COL4A2: variants seen among roughly 807,000 people sequenced by gnomAD.
The protein encoded by COL4A2 is collagen alpha-2(IV) chain.
COL4A2 carries 99 observed loss-of-function variants against 200.2 expected under a neutral mutation model. That is an observed-to-expected ratio of 0.49 (90% CI 0.42 to 0.58). The LOEUF (loss-of-function observed/expected upper bound fraction) is 0.58. Among genes scored for constraint, COL4A2 ranks in the 20% least tolerant of loss-of-function variants. COL4A2 has a pLI of 0.00. For missense variants in COL4A2, 1,950 were observed against 2,314.1 expected, an observed-to-expected ratio of 0.84 and a Z score of 3.23; for synonymous variants, 897 against 900.6, an observed-to-expected ratio of 1.00 and a Z score of 0.07.
rs1373028411 is a variant in COL4A2 at position 110,467,044 on chromosome 13, C to T, written c.2043C>T (p.Cys681=). The change falls in exon 27 of 48, where the codon TGC becomes TGT. Residue 681 remains cysteine (C), a synonymous_variant. Coordinates refer to ENST00000360467, the MANE Select transcript of COL4A2 (RefSeq NM_001846.4). The part of the protein sequence containing the change: ...GDRQEAIQPG[C]IGGPKGLPGL... ...TTTTCTCCTTTCTGTCCCCAGGTTG[C>T]ATAGGAGGGCCCAAGGGATTGCCAG... 3 of 1,613,888 alleles carry T rather than the reference C, an allele frequency of 1.9e-6. No individual in the cohort carries two copies. The highest frequency in any genetic ancestry group is 2.5e-6 in the Non-Finnish European group (3 of 1,179,992).
chr13:110,506,641 C>T (rs1883895159), intron 46 of COL4A2, 35 bp downstream of exon 46: 2 of 1,554,542 alleles, frequency 1.3e-6, no homozygotes, highest in Non-Finnish European at 1.7e-6. Flanking sequence ...GTTGCCTGCT[C>T]AGGGCTGGCC....
chr13:110,480,991 C>CGTTGCTGG (rs1882885104), intron 31 of COL4A2, among the ~76,000 whole-genome samples: 1 of 128,558 alleles, frequency 7.8e-6, no homozygotes, highest in African/African-American at 3.1e-5. Flanking sequence ...TCTGTCCTTC[C>CGTTGCTGG]ATTGCTGGAG....
Position 110,340,486 on chromosome 13 carries a change from A to G in COL4A2, c.100-16986A>G, listed in dbSNP as rs115808427. On this transcript the variant is annotated intron_variant, in intron 3 of 47. Coordinates refer to ENST00000360467, the MANE Select transcript of COL4A2 (RefSeq NM_001846.4). ...TCTAAAGATGTAAAAGAACAAAAAG[A>G]GATAAAGGAAGAGGATGAGAAGACT... is the stretch of plus-strand genomic sequence containing the variant. Among the ~76,000 whole-genome samples the G allele has an allele frequency of 5.2e-3, 797 of 152,336 alleles. 5 individuals carry two copies. Among genetic ancestry groups the G allele is most frequent in the African/African-American group, 0.019 (773 of 41,572 alleles).
At chr13:110,469,931 A>G (rs1327744424) in intron 28 of COL4A2, among the ~76,000 whole-genome samples, 1 of 31,238 alleles carries the variant, frequency 3.2e-5, no homozygotes, top group African/African-American at 1.6e-4. Context: ...TTTTTTTTTA[A>G]TGAAATGGAA....
chr13:110,350,020 C>T (rs1484715948), intron 3 of COL4A2, among the ~76,000 whole-genome samples: 2 of 152,174 alleles, frequency 1.3e-5, no homozygotes, highest in Non-Finnish European at 2.9e-5. Context: ...GCCTAGGCCT[C>T]CCAAAGTGCT....
rs370282396 is a variant in COL4A2 at position 110,438,509 on chromosome 13, C to T, written c.862-109C>T. On this transcript the variant is annotated intron_variant, in intron 14 of 47. Transcript: ENST00000360467. ...GAGCATCGCCAGGCGGTCTGGACAC[C>T]ATCGGGGCTGAGAACACAGAGTCCT... 7,161 of 1,424,424 alleles carry T rather than the reference C, an allele frequency of 5.0e-3. 40 individuals carry two copies. Among genetic ancestry groups the T allele is most frequent in the South Asian group, 6.3e-3 (552 of 87,086 alleles). 88.2% of individuals were successfully genotyped at this position (1,424,424 alleles called of 1,614,324 possible).
rs1335408503 is a variant in COL4A2, at chr13:110,439,730, C to G, written c.913-59C>G. 1.9e-6 allele frequency: 3 copies of G among 1,612,206 alleles called. No individual in the cohort carries two copies. The African/African-American group carries it at 4.0e-5, about 22-fold the overall frequency. ...CACAGCCAGGTGCCGTAGTCAAGCC[C>G]TCTGGAAATGTCTACTGCATATTCT... is the stretch of plus-strand genomic sequence containing the variant. On this transcript the variant is annotated intron_variant, in intron 15 of 47. Transcript: ENST00000360467.
At chr13:110,509,182 A>AT (rs1883988012) in intron 47 of COL4A2, among the ~76,000 whole-genome samples, 1 of 149,290 alleles carries the variant, frequency 6.7e-6, no homozygotes, top group Non-Finnish European at 1.5e-5. Flanking sequence ...ATTTATATGC[A>AT]TTATAACTGT....
intron 16 of COL4A2, among the ~76,000 whole-genome samples, chr13:110,441,700 C>A (rs991740638): frequency 1.3e-5 from 2 of 152,134 alleles, no homozygotes; most frequent in African/African-American, 2.4e-5. Context: ...TTCCACCTAC[C>A]CCATGTGATT....
At chr13:110,427,476 T>G (rs1252429440) in intron 6 of COL4A2, among the ~76,000 whole-genome samples, 1 of 152,224 alleles carries the variant, frequency 6.6e-6, no homozygotes, top group East Asian at 1.9e-4. Context: ...CTTGAAATTT[T>G]CCAAATTTCT....
intron 40 of COL4A2, among the ~76,000 whole-genome samples, chr13:110,498,703 A>T (rs1013205675): frequency 6.6e-6 from 1 of 152,252 alleles, no homozygotes; most frequent in African/African-American, 2.4e-5. Flanking sequence ...GAATATTGTG[A>T]AATTGTAGGA....
rs1270904388 is a variant in COL4A2 at position 110,508,315 on chromosome 13, G to GT, written c.4881+95dup. The GT allele has an allele frequency of 3.8e-6, 6 of 1,558,598 alleles. No individual in the cohort carries two copies. Among genetic ancestry groups the GT allele is most frequent in the Non-Finnish European group, 5.2e-6 (6 of 1,147,034 alleles). On this transcript the variant is annotated intron_variant, in intron 47 of 47. Coordinates refer to ENST00000360467, the MANE Select transcript of COL4A2 (RefSeq NM_001846.4). The surrounding 1 kb of genome is among the most constrained non-coding windows in gnomAD (Gnocchi z 6.1). ...TTTGTGAGAAGAATCAGACACGGCAGTCCAGGGTGTGCACTGCACAAGGGT... is the reference window on the plus strand; with the variant it reads ...TTTGTGAGAAGAATCAGACACGGCAGTTCCAGGGTGTGCACTGCACAAGGGT...
At chr13:110,426,791 C>T (rs1308143944) in intron 6 of COL4A2, among the ~76,000 whole-genome samples, 1 of 152,184 alleles carries the variant, frequency 6.6e-6, no homozygotes, top group Non-Finnish European at 1.5e-5. Flanking sequence ...CATTACAGTT[C>T]ATTTTAAGCA....
chr13:110,312,138 G>A (rs773218544), intron 3 of COL4A2, among the ~76,000 whole-genome samples: 13 of 152,234 alleles, frequency 8.5e-5, no homozygotes, highest in Non-Finnish European at 5.9e-5. Context: ...GGAAAAGCAC[G>A]GGGTTCCTCC....
intron 34 of COL4A2, 87 bp from the exon 35 acceptor site, chr13:110,489,358 T>A (rs1343982872): frequency 1.6e-6 from 2 of 1,282,510 alleles, no homozygotes; most frequent in East Asian, 4.6e-5. Context: ...GTCGTTAGCA[T>A]ACTGGATAGT....
At chr13:110,368,372 C>T (rs573796045) in intron 4 of COL4A2, among the ~76,000 whole-genome samples, 1 of 152,348 alleles carries the variant, frequency 6.6e-6, no homozygotes, top group South Asian at 2.1e-4. Flanking sequence ...AGTTCCTCTT[C>T]TTCCAAATAA....
chr13:110,409,462 G>GCTA (rs1489648070), intron 4 of COL4A2, among the ~76,000 whole-genome samples: 1 of 152,248 alleles, frequency 6.6e-6, no homozygotes, highest in Non-Finnish European at 1.5e-5. Flanking sequence ...CGCTGCTGCC[G>GCTA]CTACACCTTT....
chr13:110,332,482 C>A (rs7317178), intron 3 of COL4A2, among the ~76,000 whole-genome samples: 8 of 151,922 alleles, frequency 5.3e-5, no homozygotes, highest in Non-Finnish European at 1.2e-4. Flanking sequence ...GTTCTCCTGT[C>A]GCAATGATAG....
chr13:110,415,556 C>A lies in COL4A2; in HGVS notation c.181-9178C>A, dbSNP rs190349919. On this transcript the variant is annotated intron_variant, in intron 4 of 47. Transcript: ENST00000360467. ...GCTCGTAACCTTTTTTCTTACTTGGCCAATGTGGTGTGTGTTTGTATTATC... is the reference window on the plus strand; with the variant it reads ...GCTCGTAACCTTTTTTCTTACTTGGACAATGTGGTGTGTGTTTGTATTATC... Among the ~76,000 whole-genome samples, 4 of 152,318 alleles carry A rather than the reference C, an allele frequency of 2.6e-5. No individual in the cohort carries two copies. In the East Asian group the frequency reaches 7.7e-4, roughly 29 times the overall value.
Sources: allele counts gnomAD v4.1 joint callset (sites outside exome capture counted in the v4.1 genomes callset), GRCh38; gene constraint gnomAD v4.1.1; non-coding constraint Gnocchi (gnomAD v3.1); transcripts MANE v1.5; gene names NCBI Gene and HGNC (gene_info 2026-07-23, HGNC 2026-07-21).